Variants in SLCO3A1 observed in about 807,000 individuals in gnomAD.
SLCO3A1 encodes the protein PGE1 transporter.
SLCO3A1 carries 27 observed loss-of-function variants against 63.1 expected under a neutral mutation model. That is an observed-to-expected ratio of 0.43 (90% CI 0.32 to 0.59). The LOEUF is 0.59. Ranked by LOEUF, SLCO3A1 falls within the 20% of genes least tolerant of loss-of-function variation. The pLI, the probability that SLCO3A1 is intolerant of heterozygous loss-of-function variation, is 0.09. For synonymous variants in SLCO3A1, 473 were observed against 409.9 expected, an observed-to-expected ratio of 1.15 and a Z score of -1.86; for missense variants, 773 against 945.8, an observed-to-expected ratio of 0.82 and a Z score of 2.40.
At chr15:92,082,406 T>C (rs2047358158) in intron 2 of SLCO3A1, among the ~76,000 whole-genome samples, 1 of 152,142 alleles carries the variant, frequency 6.6e-6, no homozygotes, top group Non-Finnish European at 1.5e-5. Context: ...AGGCCAAGGA[T>C]GTTCAAGCAG....
intron 2 of SLCO3A1, among the ~76,000 whole-genome samples, chr15:92,089,677 C>G (rs1446297613): frequency 6.6e-6 from 1 of 152,094 alleles, no homozygotes; most frequent in East Asian, 1.9e-4. Flanking sequence ...CTTTTCTTCC[C>G]CAGGGTCCAG....
intron 2 of SLCO3A1, among the ~76,000 whole-genome samples, chr15:92,025,593 C>G (rs1025039877): frequency 2.6e-5 from 4 of 152,218 alleles, no homozygotes; most frequent in African/African-American, 9.7e-5. Flanking sequence ...TTTGTGACAA[C>G]TCTACAAGGC....
chr15:91,898,189 A>C (rs780299748), intron 1 of SLCO3A1, among the ~76,000 whole-genome samples: 1 of 152,186 alleles, frequency 6.6e-6, no homozygotes, highest in African/African-American at 2.4e-5. Flanking sequence ...GCACACAGCA[A>C]CATGCTCTAA....
intron 2 of SLCO3A1, among the ~76,000 whole-genome samples, chr15:92,091,629 C>G (rs2047478096): frequency 6.6e-6 from 1 of 152,172 alleles, no homozygotes; most frequent in South Asian, 2.1e-4. Context: ...AGGCCCCTCC[C>G]ACGTCCCACC....
chr15:92,063,714 G>C (rs62008600), intron 2 of SLCO3A1, among the ~76,000 whole-genome samples: 18,670 of 152,082 alleles, frequency 0.12, 1,308 homozygotes, highest in East Asian at 0.27. Context: ...GCCAGGCATG[G>C]TGGCGCGTAC....
intron 6 of SLCO3A1, among the ~76,000 whole-genome samples, chr15:92,127,125 CA>C (rs748823891): frequency 5.9e-5 from 9 of 152,214 alleles, no homozygotes; most frequent in Non-Finnish European, 1.3e-4. Flanking sequence ...ACAATCCAGG[CA>C]CCATGTGCCC....
At chr15:92,111,244 C>G (rs933223724) in intron 4 of SLCO3A1, among the ~76,000 whole-genome samples, 1 of 152,220 alleles carries the variant, frequency 6.6e-6, no homozygotes, top group African/African-American at 2.4e-5. Context: ...GCTTCTGCAT[C>G]TCAGCCTCCT....
At chr15:91,926,557 C>CTGTGTGTGTGTGTGTGTGTGTGTGTG (rs1567189095) in intron 2 of SLCO3A1, among the ~76,000 whole-genome samples, 1 of 54,348 alleles carries the variant, frequency 1.8e-5, no homozygotes, top group African/African-American at 1.0e-4. Flanking sequence ...TCCTGCCAAG[C>CTGTGTGTGTGTGTGTGTGTGTGTGTG]CGTGTGTGTG....
intron 2 of SLCO3A1, among the ~76,000 whole-genome samples, chr15:92,061,246 GT>G (rs2047082980): frequency 6.6e-6 from 1 of 152,188 alleles, no homozygotes. Context: ...GTCTAGGGGT[GT>G]TTAGAGGCTG....
intron 2 of SLCO3A1, among the ~76,000 whole-genome samples, chr15:92,006,295 G>C (rs1484207163): frequency 6.6e-6 from 1 of 152,188 alleles, no homozygotes; most frequent in African/African-American, 2.4e-5. Context: ...GCCTGACCAA[G>C]AGCTCAGAGG....
rs1447990037 is a variant in SLCO3A1, at chr15:92,019,815, C to T, written c.647-75066C>T. Among the ~76,000 whole-genome samples the T allele has an allele frequency of 2.0e-5, 3 of 152,242 alleles. No individual in the cohort carries two copies. In the East Asian group the frequency reaches 5.8e-4, roughly 29 times the overall value. On this transcript the variant is annotated intron_variant, in intron 2 of 9. Transcript: ENST00000318445. ...CAGCCTTGCCACTTGTGGGGTGGCT[C>T]CTTTCTACTTGGGTGCCTTATTGTC...
rs1371812147 is a variant in SLCO3A1 at position 91,856,804 on chromosome 15, T to C, written c.180+2716T>C. Reference sequence around the variant, plus strand: ...CTCCCTTTCACAGAGAGGAGGGTGGTTACAAATTCTATGCCAACGATGTTA... The same window carrying C: ...CTCCCTTTCACAGAGAGGAGGGTGGCTACAAATTCTATGCCAACGATGTTA... On this transcript the variant is annotated intron_variant, in intron 1 of 9. Transcript: ENST00000318445. The surrounding 1 kb of genome is among the most constrained non-coding windows in gnomAD (Gnocchi z 4.9). Among the ~76,000 whole-genome samples, 3 of 152,120 alleles carry C rather than the reference T, an allele frequency of 2.0e-5. No homozygotes were observed. The highest frequency in any genetic ancestry group is 2.0e-4 in the Admixed American group (3 of 15,278).
intron 1 of SLCO3A1, among the ~76,000 whole-genome samples, chr15:91,913,683 T>C (rs1898559046): frequency 1.3e-5 from 2 of 152,242 alleles, no homozygotes; most frequent in African/African-American, 4.8e-5. Context: ...TAGATACACG[T>C]ATCTGGACAC....
intron 9 of SLCO3A1, among the ~76,000 whole-genome samples, chr15:92,156,144 A>T (rs981748284): frequency 6.6e-6 from 1 of 152,168 alleles, no homozygotes; most frequent in South Asian, 2.1e-4. Context: ...GCATATGCCA[A>T]AGTTTATAGG....
chr15:92,024,859 T>C (rs897464026), intron 2 of SLCO3A1, among the ~76,000 whole-genome samples: 1 of 151,932 alleles, frequency 6.6e-6, no homozygotes, highest in Non-Finnish European at 1.5e-5. Flanking sequence ...ACAAAGGCCT[T>C]CCCATTCATC....
intron 1 of SLCO3A1, among the ~76,000 whole-genome samples, chr15:91,857,971 T>G (rs958149192): frequency 6.6e-6 from 1 of 152,200 alleles, no homozygotes; most frequent in Non-Finnish European, 1.5e-5. Flanking sequence ...GAGGTTGTGG[T>G]GACAAAATAA....
At chr15:91,939,683 C>T (rs1053475947) in intron 2 of SLCO3A1, among the ~76,000 whole-genome samples, 10 of 152,136 alleles carry the variant, frequency 6.6e-5, no homozygotes, top group Admixed American at 3.9e-4. Flanking sequence ...TCCTCCTCTG[C>T]AGCATTCCAG....
Position 91,888,297 on chromosome 15 carries a change from C to T in SLCO3A1, c.181-27696C>T, listed in dbSNP as rs950265395. ...GGTGTGGGTTCAGAGACTGGCCCGTCGAATCAGTATGGGCTGCCGGCTCTC... is the reference window on the plus strand; with the variant it reads ...GGTGTGGGTTCAGAGACTGGCCCGTTGAATCAGTATGGGCTGCCGGCTCTC... On this transcript the variant is annotated intron_variant, in intron 1 of 9. Coordinates refer to ENST00000318445, the MANE Select transcript of SLCO3A1 (RefSeq NM_013272.4). Among the ~76,000 whole-genome samples, 7 of 152,236 alleles carry T rather than the reference C, an allele frequency of 4.6e-5. No individual in the cohort carries two copies. In the East Asian group the frequency reaches 5.8e-4, roughly 13 times the overall value.
chr15:92,029,829 G>T, intron 2 of SLCO3A1, among the ~76,000 whole-genome samples: 1 of 108,040 alleles, frequency 9.3e-6, no homozygotes, highest in South Asian at 3.3e-4. Flanking sequence ...ATTTTTAATA[G>T]AACTCTTCCG....
Sources: allele counts gnomAD v4.1 joint callset (sites outside exome capture counted in the v4.1 genomes callset), GRCh38; gene constraint gnomAD v4.1.1; non-coding constraint Gnocchi (gnomAD v3.1); transcripts MANE v1.5; gene names NCBI Gene and HGNC (gene_info 2026-07-23, HGNC 2026-07-21).